The following ZNF224 variants were observed in gnomAD, a reference collection of about 807,000 sequenced individuals.
ZNF224 encodes the protein bone marrow zinc finger 2.
ZNF224 carries 8 observed loss-of-function variants against 10.5 expected under a neutral mutation model. That is an observed-to-expected ratio of 0.76 (90% CI 0.45 to 1.37). ZNF224 has a LOEUF of 1.37. Ranked by LOEUF, ZNF224 falls within the 40% of genes most tolerant of loss-of-function variation. The pLI is 0.00. For synonymous variants in ZNF224, 282 were observed against 287.8 expected (o/e 0.98, Z 0.20); for missense variants, 754 against 854.0 (o/e 0.88, Z 1.46).
At position 44,094,435 on chromosome 19, in the gene ZNF224, G is replaced by T. The variant is rs939107198; in HGVS notation, c.-253G>T. On this transcript the variant is annotated 5_prime_UTR_variant, in exon 1 of 6. Transcript: ENST00000693561. ...GCGATAGTTTGGGGCAGTTCCGCGC[G>T]TTGCAGGCCCTTCTGAATTTCCTGG... The T allele has an allele frequency of 1.3e-5, 2 of 152,208 alleles. No homozygotes were observed. The highest frequency in any genetic ancestry group is 2.9e-5 in the Non-Finnish European group (2 of 68,072). 9.4% of individuals were successfully genotyped at this position (152,208 alleles called of 1,614,324 possible).
At chr19:44,106,335 T>A in intron 5 of ZNF224, 61 bp from the exon 6 acceptor site, 1 of 1,566,038 alleles carries the variant, frequency 6.4e-7, no homozygotes, top group Non-Finnish European at 8.8e-7. Flanking sequence ...CTAAGTGAAA[T>A]CTTGATAACA....
Position 44,106,480 on chromosome 19 carries a change from T to G in ZNF224, c.320T>G (p.Ile107Ser). The change falls in exon 6 of 6, where the codon ATT becomes AGT. Residue 107 changes from isoleucine (I) to serine (S), a missense_variant. Coordinates refer to ENST00000693561, the MANE Select transcript of ZNF224 (RefSeq NM_001321645.3). ...TCCTTCCAGCAAATCTGGGAAAAAA[T>G]TGCAAGTGATTTAACCAGGTCTCAA... ...EWSFQQIWEK[I>S]ASDLTRSQDL... The G allele has an allele frequency of 6.2e-7, 1 of 1,614,096 alleles. No homozygotes were observed. The highest frequency in any genetic ancestry group is 8.5e-7 in the Non-Finnish European group (1 of 1,180,012).
rs760145856 is a variant in ZNF224 at position 44,106,912 on chromosome 19, A to C, written c.752A>C (p.His251Pro). The change falls in exon 6 of 6, where the codon CAT (histidine) becomes CCT (proline). Residue 251 changes from histidine to proline, a missense_variant. Physicochemically the swap from His to Pro is moderately conservative, Grantham distance 77 (BLOSUM62 -2). Transcript: ENST00000693561. ...CGTAGATCAGCACTTAATGTTCATC[A>C]TAAATTACACACAGGAGAGAAACCT... is the stretch of plus-strand genomic sequence containing the variant. ...FSRRSALNVH[H>P]KLHTGEKPYN... 2 of 1,609,126 alleles carry C rather than the reference A, an allele frequency of 1.2e-6. No individual in the cohort carries two copies. Among genetic ancestry groups the C allele is most frequent in the East Asian group, 2.2e-5 (1 of 44,858 alleles).
chr19:44,109,116 G>T lies in ZNF224; in HGVS notation c.*832G>T, dbSNP rs899790597. ...TTTTCTCACAGTATAGACTGAAAAGGTTTGGTTAATTTTGCAATAACAGAC... is the reference window on the plus strand; with the variant it reads ...TTTTCTCACAGTATAGACTGAAAAGTTTTGGTTAATTTTGCAATAACAGAC... On this transcript the variant is annotated 3_prime_UTR_variant, in exon 6 of 6. Coordinates refer to ENST00000693561, the MANE Select transcript of ZNF224 (RefSeq NM_001321645.3). The T allele has an allele frequency of 1.3e-5, 2 of 157,408 alleles. No homozygotes were observed. The highest frequency in any genetic ancestry group is 4.8e-5 in the African/African-American group (2 of 41,470). 9.8% of individuals were successfully genotyped at this position (157,408 alleles called of 1,614,324 possible).
intron 3 of ZNF224, 100 bp from the exon 4 acceptor site, chr19:44,100,701 C>T: frequency 6.9e-7 from 1 of 1,453,878 alleles, no homozygotes; most frequent in Non-Finnish European, 9.3e-7. Context: ...TCTCAAGATC[C>T]AAAACAACTT....
rs75460066 is a variant in ZNF224 at position 44,097,003 on chromosome 19, T to C, written c.-69+572T>C. 351 of 179,994 alleles carry C rather than the reference T, an allele frequency of 2.0e-3. 11 individuals are homozygous for C. The East Asian group carries it at 0.049, about 25-fold the overall frequency. 11.1% of individuals were successfully genotyped at this position (179,994 alleles called of 1,614,324 possible). On this transcript the variant is annotated intron_variant, in intron 2 of 5. Transcript: ENST00000693561. ...TCATTGCAACATAACAGGGTCCAAG[T>C]GATGTCAGTTTGTCTCTTCATTGGT...
At chr19:44,098,278 C>T (rs759441777) in intron 3 of ZNF224, among the ~76,000 whole-genome samples, 18 of 152,088 alleles carry the variant, frequency 1.2e-4, no homozygotes, top group Non-Finnish European at 2.6e-4. Flanking sequence ...TTAATGGTTG[C>T]ACCATATTCC....
rs775013103 is a variant in ZNF224, at chr19:44,106,683, T to C, written c.523T>C (p.Ser175Pro). Residue 175 changes from serine to proline, a missense_variant, in exon 6 of 6, where the codon TCT (serine) becomes CCT (proline). Physicochemically the swap from Ser to Pro is moderately conservative, Grantham distance 74 (BLOSUM62 -1). Transcript: ENST00000693561. The part of the protein sequence containing the change: ...FHQQLHSGEK[S>P]HTCDECGKNF... ...TCAACAATTACACTCAGGAGAGAAA[T>C]CTCATACGTGTGATGAGTGTGGAAA... The C allele has an allele frequency of 6.3e-7, 1 of 1,599,602 alleles. No homozygotes were observed. Among genetic ancestry groups the C allele is most frequent in the South Asian group, 1.1e-5 (1 of 88,394 alleles).
In ZNF224 at chr19:44,107,971, G is replaced by T; in HGVS notation, c.1811G>T (p.Gly604Val). 1.2e-6 allele frequency: 2 copies of T among 1,614,226 alleles called. No individual in the cohort carries two copies. Among genetic ancestry groups the T allele is most frequent in the South Asian group, 2.2e-5 (2 of 91,086 alleles). Residue 604 changes from glycine to valine, a missense_variant, in exon 6 of 6, where the codon GGC (glycine) becomes GTC (valine). Coordinates refer to ENST00000693561, the MANE Select transcript of ZNF224 (RefSeq NM_001321645.3). ...TACAAATGTGATGAGTGTGGGAAGG[G>T]CTTCAGCTGGTCCTCAACTCGTCTG... is the stretch of plus-strand genomic sequence containing the variant. ...KPYKCDECGK[G>V]FSWSSTRLTH...
At chr19:44,103,366 A>C (rs1358029643) in intron 5 of ZNF224, among the ~76,000 whole-genome samples, 1 of 152,224 alleles carries the variant, frequency 6.6e-6, no homozygotes, top group Non-Finnish European at 1.5e-5. Context: ...GACTTAATTT[A>C]GGACTTGGTA....
At chr19:44,099,970 A>G (rs1967514529) in intron 3 of ZNF224, among the ~76,000 whole-genome samples, 2 of 152,240 alleles carry the variant, frequency 1.3e-5, no homozygotes, top group African/African-American at 4.8e-5. Context: ...ATAAAATTAA[A>G]TATTCATTAT....
chr19:44,107,989 C>A lies in ZNF224; in HGVS notation c.1829C>A (p.Thr610Asn). ...GGGAAGGGCTTCAGCTGGTCCTCAA[C>A]TCGTCTGACCCATCAGAGACGCCAC... Reference protein sequence around the residue: ...ECGKGFSWSSTRLTHQRRHSR... With the variant: ...ECGKGFSWSSNRLTHQRRHSR... The change falls in exon 6 of 6, where the codon ACT (threonine) becomes AAT (asparagine). Residue 610 changes from threonine to asparagine, a missense_variant. Transcript: ENST00000693561. The A allele has an allele frequency of 6.2e-7, 1 of 1,614,110 alleles. No homozygotes were observed. The highest frequency in any genetic ancestry group is 8.5e-7 in the Non-Finnish European group (1 of 1,180,006).
At chr19:44,104,159 A>T (rs778872667) in intron 5 of ZNF224, among the ~76,000 whole-genome samples, 1 of 152,182 alleles carries the variant, frequency 6.6e-6, no homozygotes, top group Non-Finnish European at 1.5e-5. Flanking sequence ...TCAGATTCCC[A>T]TCAAAACTGG....
chr19:44,095,961 A>G (rs913899644), intron 1 of ZNF224: 1 of 151,322 alleles, frequency 6.6e-6, no homozygotes, highest in African/African-American at 2.4e-5. Flanking sequence ...TTTATTACCT[A>G]CGAATCCATG....
intron 5 of ZNF224, among the ~76,000 whole-genome samples, chr19:44,104,781 C>G (rs1470535115): frequency 6.6e-6 from 1 of 152,170 alleles, no homozygotes. Flanking sequence ...CCTGCCTCAG[C>G]CTCCCGAGTA....
Position 44,107,803 on chromosome 19 carries a change from G to A in ZNF224, c.1643G>A (p.Ser548Asn). 1 of 1,601,774 alleles carries A rather than the reference G, an allele frequency of 6.2e-7. No homozygotes were observed. The highest frequency in any genetic ancestry group is 8.5e-7 in the Non-Finnish European group (1 of 1,172,544). The part of the protein sequence containing the change: ...RPYNCKECGK[S>N]FGWASCLLKH... ...TACAATTGTAAGGAATGTGGGAAGA[G>A]TTTTGGCTGGGCCTCGTGTCTTTTG... is the stretch of plus-strand genomic sequence containing the variant. The change falls in exon 6 of 6, where the codon AGT becomes AAT. Residue 548 changes from serine (S) to asparagine (N), a missense_variant. Ser to Asn is a conservative substitution (Grantham distance 46). Coordinates refer to ENST00000693561, the MANE Select transcript of ZNF224 (RefSeq NM_001321645.3).
chr19:44,107,723 C>T lies in ZNF224; in HGVS notation c.1563C>T (p.Tyr521=). ...AATGTGAGAAGTGTGGAAAGGGCTA[C>T]AATAGTAAGTTTAATCTTGATATGC... The part of the protein sequence containing the change: ...PYKCEKCGKG[Y]NSKFNLDMHQ... The change falls in exon 6 of 6, where the codon TAC becomes TAT. Residue 521 remains tyrosine (Y), a synonymous_variant. Coordinates refer to ENST00000693561, the MANE Select transcript of ZNF224 (RefSeq NM_001321645.3). The T allele has an allele frequency of 6.2e-7, 1 of 1,613,446 alleles. No homozygotes were observed. The highest frequency in any genetic ancestry group is 2.2e-5 in the East Asian group (1 of 44,840).
chr19:44,102,773 G>A (rs1018402781), intron 5 of ZNF224, among the ~76,000 whole-genome samples: 1 of 152,162 alleles, frequency 6.6e-6, no homozygotes, highest in Non-Finnish European at 1.5e-5. Flanking sequence ...ATTTTTGAAT[G>A]AACATTCTGA....
At chr19:44,104,593 T>C (rs1354192603) in intron 5 of ZNF224, among the ~76,000 whole-genome samples, 1 of 152,038 alleles carries the variant, frequency 6.6e-6, no homozygotes, top group Admixed American at 6.5e-5. Flanking sequence ...TAGAGTAGGA[T>C]GCGTTAAATT....
Sources: allele counts gnomAD v4.1 joint callset (sites outside exome capture counted in the v4.1 genomes callset), GRCh38; gene constraint gnomAD v4.1.1; transcripts MANE v1.5; gene names NCBI Gene and HGNC (gene_info 2026-07-23, HGNC 2026-07-21).